FILIP1L: variants seen among roughly 807,000 people sequenced by gnomAD.
FILIP1L encodes filamin A interacting protein 1 like.
In FILIP1L, 55 loss-of-function variants were observed where a neutral mutation model predicts 96.6. The observed-to-expected ratio is 0.57, with a 90% CI of 0.46 to 0.71. The LOEUF (loss-of-function observed/expected upper bound fraction) is 0.71, where lower values mean the gene tolerates loss of function less well. Ranked by LOEUF, FILIP1L falls within the 30% of genes least tolerant of loss-of-function variation. The pLI is 0.00. For missense variants in FILIP1L, 1,304 were observed against 1,321.2 expected, an observed-to-expected ratio of 0.99 and a Z score of 0.20; for synonymous variants, 467 against 473.9, an observed-to-expected ratio of 0.99 and a Z score of 0.19.
rs755041519 is a variant in FILIP1L at position 100,087,832 on chromosome 3, C to CTTT, written c.-11+26218_-11+26220dup. On this transcript the variant is annotated intron_variant, in intron 1 of 5. Coordinates refer to ENST00000477258, the MANE Select transcript of FILIP1L (RefSeq NM_001387850.1). ...CAAAGATTTTCTCCTATTGTTTCAA[C>CTTT]TTTTTTTTTTTTTTTTTTTTTTGAG... 7.6e-3 allele frequency among the ~76,000 whole-genome samples: 870 copies of CTTT among 114,084 alleles called. 11 individuals are homozygous for CTTT. Among genetic ancestry groups the CTTT allele is most frequent in the African/African-American group, 0.012 (378 of 31,180 alleles). 74.8% of individuals were successfully genotyped at this position (114,084 alleles called of 152,430 possible). A position where few individuals can be genotyped will look rare whatever the true frequency, so the allele number is the denominator to read the frequency against.
chr3:99,849,169 T>G lies in FILIP1L; in HGVS notation c.2507A>C (p.Glu836Ala). 1 of 1,614,206 alleles carries G rather than the reference T, an allele frequency of 6.2e-7. No individual in the cohort carries two copies. Among genetic ancestry groups the G allele is most frequent in the Non-Finnish European group, 8.5e-7 (1 of 1,180,040 alleles). Residue 836 changes from glutamate (E) to alanine (A), a missense_variant, in exon 5 of 6, where the codon GAG becomes GCG. Coordinates refer to ENST00000477258, the MANE Select transcript of FILIP1L (RefSeq NM_001387850.1). ...QLYEESENQD[E>A]DPNDEGSVLS... is the part of the protein sequence containing the mutation. ...CACAGATCCCTCATCATTAGGGTCC[T>G]CGTCTTGATTCTCACTCTCCTCATA...
At chr3:100,004,714 A>G (rs541061356) in intron 1 of FILIP1L, among the ~76,000 whole-genome samples, 1 of 152,310 alleles carries the variant, frequency 6.6e-6, no homozygotes, top group South Asian at 2.1e-4. Context: ...GGGACTAGGT[A>G]GTGATAATAC....
chr3:99,871,184 G>A (rs1944768205), intron 4 of FILIP1L, among the ~76,000 whole-genome samples: 1 of 152,144 alleles, frequency 6.6e-6, no homozygotes, highest in East Asian at 1.9e-4. Flanking sequence ...GACTTAACCT[G>A]AGCCTAACTG....
intron 1 of FILIP1L, among the ~76,000 whole-genome samples, chr3:99,961,159 A>G (rs757059879): frequency 1.3e-5 from 2 of 152,204 alleles, no homozygotes; most frequent in African/African-American, 2.4e-5. Flanking sequence ...AAGTTTCTTG[A>G]AAGTTGTAAA....
At chr3:99,906,740 C>T (rs984895341) in intron 4 of FILIP1L, among the ~76,000 whole-genome samples, 1 of 152,146 alleles carries the variant, frequency 6.6e-6, no homozygotes, top group African/African-American at 2.4e-5. Flanking sequence ...TCTAGCTTTT[C>T]CAGTACTGAG....
intron 4 of FILIP1L, among the ~76,000 whole-genome samples, chr3:99,854,550 C>T (rs150031776): frequency 6.6e-6 from 1 of 152,142 alleles, no homozygotes; most frequent in African/African-American, 2.4e-5. Context: ...CAGGGTTTCT[C>T]CATCTTCAGC....
chr3:100,066,977 A>G (rs1322692935), intron 1 of FILIP1L, among the ~76,000 whole-genome samples: 1 of 152,202 alleles, frequency 6.6e-6, no homozygotes, highest in Admixed American at 6.5e-5. Context: ...GAAGACACAT[A>G]AAAATGTGTG....
At chr3:99,989,781 T>C (rs1319386735) in intron 1 of FILIP1L, among the ~76,000 whole-genome samples, 1 of 151,834 alleles carries the variant, frequency 6.6e-6, no homozygotes, top group African/African-American at 2.4e-5. Context: ...ATATTAAAAG[T>C]TAGATATTGA....
At chr3:99,948,140 G>T (rs886768926) in intron 1 of FILIP1L, among the ~76,000 whole-genome samples, 1 of 152,110 alleles carries the variant, frequency 6.6e-6, no homozygotes, top group East Asian at 1.9e-4. Flanking sequence ...GTTAACAGTA[G>T]TGCATTAGAA....
intron 4 of FILIP1L, among the ~76,000 whole-genome samples, chr3:99,921,872 A>C (rs6791889): frequency 0.067 from 10,132 of 152,058 alleles, 399 homozygotes; most frequent in Middle Eastern, 0.085. Context: ...CTTTATCCCC[A>C]CTGATCTTTT....
chr3:100,044,063 A>G (rs1278328341), intron 1 of FILIP1L, among the ~76,000 whole-genome samples: 1 of 152,202 alleles, frequency 6.6e-6, no homozygotes. Flanking sequence ...TGTATATACC[A>G]TATTTCTATG....
chr3:100,011,022 G>A (rs1239061948), intron 1 of FILIP1L, among the ~76,000 whole-genome samples: 1 of 152,034 alleles, frequency 6.6e-6, no homozygotes, highest in Non-Finnish European at 1.5e-5. Context: ...ACACAATTTA[G>A]GAAGTACAAA....
At chr3:100,028,121 C>A (rs553716421) in intron 1 of FILIP1L, among the ~76,000 whole-genome samples, 40 of 152,310 alleles carry the variant, frequency 2.6e-4, no homozygotes, top group Non-Finnish European at 5.1e-4. Flanking sequence ...ATTTATTAAA[C>A]ACTAATGCCA....
At chr3:99,919,601 G>A (rs760572805) in intron 4 of FILIP1L, among the ~76,000 whole-genome samples, 53 of 151,912 alleles carry the variant, frequency 3.5e-4, no homozygotes, top group African/African-American at 5.1e-4. Context: ...CCTCTAGAAA[G>A]AAAATTTGAT....
At chr3:100,009,647 C>G (rs1251929648) in intron 1 of FILIP1L, among the ~76,000 whole-genome samples, 1 of 152,146 alleles carries the variant, frequency 6.6e-6, no homozygotes, top group African/African-American at 2.4e-5. Context: ...GCCAAAACAT[C>G]TAAGTGTTAA....
intron 1 of FILIP1L, among the ~76,000 whole-genome samples, chr3:100,086,264 A>C (rs1374354416): frequency 6.6e-6 from 1 of 152,228 alleles, no homozygotes; most frequent in Non-Finnish European, 1.5e-5. Context: ...AAACAACTAG[A>C]AGTCATTCAG....
chr3:99,986,391 A>G (rs1334234958), intron 1 of FILIP1L, among the ~76,000 whole-genome samples: 1 of 152,222 alleles, frequency 6.6e-6, no homozygotes, highest in African/African-American at 2.4e-5. Context: ...GGGGTTTTGC[A>G]TATTTTTTAA....
chr3:100,043,996 C>T (rs6799379), intron 1 of FILIP1L, among the ~76,000 whole-genome samples: 32,069 of 152,036 alleles, frequency 0.21, 3,511 homozygotes, highest in South Asian at 0.26. Flanking sequence ...GTTCCATCCA[C>T]GTTGTTGGAA....
At chr3:99,991,191 A>G (rs1284238962) in intron 1 of FILIP1L, among the ~76,000 whole-genome samples, 1 of 152,196 alleles carries the variant, frequency 6.6e-6, no homozygotes, top group Non-Finnish European at 1.5e-5. Context: ...ACTAATTTAC[A>G]AATAAGCAGC....
Sources: allele counts gnomAD v4.1 joint callset (sites outside exome capture counted in the v4.1 genomes callset), GRCh38; gene constraint gnomAD v4.1.1; transcripts MANE v1.5; gene names NCBI Gene and HGNC (gene_info 2026-07-23, HGNC 2026-07-21).